The following TNPO1 variants were observed in gnomAD, a reference collection of about 807,000 sequenced individuals.
The protein encoded by TNPO1 is transportin 1, also known as transportin-1.
Under a neutral mutation model 119.5 loss-of-function variants are expected in TNPO1, and 8 were observed. That is an observed-to-expected ratio of 0.07 (90% CI 0.04 to 0.12). The LOEUF (loss-of-function observed/expected upper bound fraction) is 0.12. Among genes scored for constraint, TNPO1 ranks in the 10% least tolerant of loss-of-function variants. TNPO1 has a pLI of 1.00. For missense variants in TNPO1, 576 were observed against 1,089.8 expected (o/e 0.53, Z 6.64); for synonymous variants, 362 against 363.0 (o/e 1.00, Z 0.03).
chr5:72,862,973 A>C (rs937154554), intron 5 of TNPO1, among the ~76,000 whole-genome samples: 1 of 146,242 alleles, frequency 6.8e-6, no homozygotes, highest in Non-Finnish European at 1.5e-5. Context: ...ATCATACATT[A>C]ACTCTGACCT....
Position 72,872,651 on chromosome 5 carries a change from T to C in TNPO1, c.609T>C (p.Val203=), listed in dbSNP as rs757683608. The change falls in exon 7 of 25, where the codon GTT becomes GTC. Residue 203 remains valine (V), a synonymous_variant. Coordinates refer to ENST00000337273, the MANE Select transcript of TNPO1 (RefSeq NM_002270.4). ...HSSPKIRSHA[V]ACVNQFIISR... ...ACTTTGTTTCTAGGTCTCACGCTGT[T>C]GCATGTGTCAATCAGTTTATCATCA... is the stretch of plus-strand genomic sequence containing the variant. The C allele has an allele frequency of 2.5e-6, 4 of 1,609,770 alleles. No individual in the cohort carries two copies. In the African/African-American group the frequency reaches 5.4e-5, roughly 22 times the overall value.
chr5:72,834,924 A>G (rs266427), intron 1 of TNPO1, among the ~76,000 whole-genome samples: 125,217 of 152,134 alleles, frequency 0.82, 51,774 homozygotes, highest in Non-Finnish European at 0.86. Context: ...CTTTTTTACC[A>G]TACCTTTTGT....
At chr5:72,848,636 G>C (rs463250) in intron 2 of TNPO1, 138 bp downstream of exon 2, 270,377 of 323,860 alleles carry the variant, frequency 0.83, 113,343 homozygotes, top group Non-Finnish European at 0.86. Flanking sequence ...CCTGGGTCCG[G>C]GCGCGGGGGA....
chr5:72,896,598 G>A (rs892726414), intron 19 of TNPO1, 42 bp downstream of exon 19: 10 of 1,517,080 alleles, frequency 6.6e-6, no homozygotes, highest in East Asian at 4.7e-5. Context: ...GGCCTGGCGC[G>A]GTGGCTCACG....
chr5:72,877,293 A>C lies in TNPO1; in HGVS notation c.867A>C (p.Leu289=). 6.2e-7 allele frequency: 1 copy of C among 1,613,152 alleles called. No homozygotes were observed. The highest frequency in any genetic ancestry group is 2.2e-5 in the East Asian group (1 of 44,836). Residue 289 remains leucine (L), a synonymous_variant, in exon 9 of 25, where the codon CTA becomes CTC. Transcript: ENST00000337273. ...NVALEACEFW[L]TLAEQPICKD... ...CTTTAGAAGCCTGTGAATTTTGGCT[A>C]ACTTTAGCTGAACAGCCAATATGCA...
At chr5:72,896,753 C>T (rs1749458437) in intron 19 of TNPO1, among the ~76,000 whole-genome samples, 197 bp downstream of exon 19, 1 of 152,074 alleles carries the variant, frequency 6.6e-6, no homozygotes, top group Admixed American at 6.6e-5. Context: ...CCTATAATCC[C>T]AACTATTTGG....
At chr5:72,901,387 C>G (rs1749786939) in intron 22 of TNPO1, among the ~76,000 whole-genome samples, 1 of 151,964 alleles carries the variant, frequency 6.6e-6, no homozygotes, top group Admixed American at 6.6e-5. Flanking sequence ...GCCTCCCATC[C>G]CTGGATATCA....
At chr5:72,856,629 G>C (rs2112286372) in intron 4 of TNPO1, among the ~76,000 whole-genome samples, 1 of 152,274 alleles carries the variant, frequency 6.6e-6, no homozygotes, top group African/African-American at 2.4e-5. Flanking sequence ...AAACCTAAGT[G>C]TATATAGGAT....
rs1205665217 is a variant in TNPO1 at position 72,908,922 on chromosome 5, A to G, written c.*249A>G. 1 of 453,878 alleles carries G rather than the reference A, an allele frequency of 2.2e-6. No individual in the cohort carries two copies. 28.1% of individuals were successfully genotyped at this position (453,878 alleles called of 1,614,324 possible). On this transcript the variant is annotated 3_prime_UTR_variant, in exon 25 of 25. Coordinates refer to ENST00000337273, the MANE Select transcript of TNPO1 (RefSeq NM_002270.4). ...TGGGTGGAAATATGTCTCCAGTTACAACTCCGCAGTGGATGTGAAGAAGCA... is the reference window on the plus strand; with the variant it reads ...TGGGTGGAAATATGTCTCCAGTTACGACTCCGCAGTGGATGTGAAGAAGCA...
Position 72,896,474 on chromosome 5 carries a change from A to T in TNPO1, c.2160A>T (p.Ile720=), listed in dbSNP as rs1172265335. 1 of 1,612,114 alleles carries T rather than the reference A, an allele frequency of 6.2e-7. No homozygotes were observed. The highest frequency in any genetic ancestry group is 8.5e-7 in the Non-Finnish European group (1 of 1,179,604). The change falls in exon 19 of 25, where the codon ATA becomes ATT. Residue 720 remains isoleucine, a synonymous_variant. Coordinates refer to ENST00000337273, the MANE Select transcript of TNPO1 (RefSeq NM_002270.4). The part of the protein sequence containing the change: ...VKPCIADFMP[I]LGTNLNPEFI... ...TTTTTCTAGCTGATTTCATGCCAAT[A>T]TTGGGAACCAACCTAAATCCAGAAT...
chr5:72,889,764 CTT>C lies in TNPO1; in HGVS notation c.1530-8_1530-7del, dbSNP rs76051655. 3,239 of 1,282,234 alleles carry C rather than the reference CTT, an allele frequency of 2.5e-3. No homozygotes were observed. Among genetic ancestry groups the C allele is most frequent in the South Asian group, 6.6e-3 (449 of 68,004 alleles). The allele number at this position is 1,282,234 out of a possible 1,614,324, so 79.4% of individuals were successfully genotyped here. ...ATATATCTTACAGTCAATAAGTATT[CTT>C]TTTTTTTTTTTTTAAACAGTGCCTT... On this transcript the variant is annotated intron_variant, in intron 13 of 24. Coordinates refer to ENST00000337273, the MANE Select transcript of TNPO1 (RefSeq NM_002270.4).
In TNPO1 at chr5:72,885,389, ACT is replaced by A. The variant is rs1209679424; in HGVS notation, c.1151-1678_1151-1677del. ...ATGGCTCAAGATCATTACACAGAAAACTCTACAAAATAATATACATACATGGA... is the reference window on the plus strand; with the variant it reads ...ATGGCTCAAGATCATTACACAGAAAACTACAAAATAATATACATACATGGA... On this transcript the variant is annotated intron_variant, in intron 11 of 24. Coordinates refer to ENST00000337273, the MANE Select transcript of TNPO1 (RefSeq NM_002270.4). Among the ~76,000 whole-genome samples the A allele has an allele frequency of 1.2e-4, 19 of 152,090 alleles. 1 individual carries two copies. The highest frequency in any genetic ancestry group is 1.2e-3 in the Admixed American group (19 of 15,268).
intron 1 of TNPO1, chr5:72,848,160 C>A (rs1023296404): frequency 1.7e-6 from 2 of 1,207,954 alleles, no homozygotes; most frequent in African/African-American, 1.6e-5. Context: ...GCGGCCGCGG[C>A]GGCAGCAGCA....
At chr5:72,861,601 A>ATCATGT (rs1035231568) in intron 4 of TNPO1, among the ~76,000 whole-genome samples, 6 of 151,904 alleles carry the variant, frequency 3.9e-5, no homozygotes, top group African/African-American at 1.5e-4. Context: ...AGAGGGTTTC[A>ATCATGT]TCATGTTGCC....
At chr5:72,843,274 T>C (rs1030625063) in intron 1 of TNPO1, among the ~76,000 whole-genome samples, 1 of 152,010 alleles carries the variant, frequency 6.6e-6, no homozygotes, top group South Asian at 2.1e-4. Context: ...TTTTGCAGAG[T>C]TTTAATATAT....
intron 24 of TNPO1, among the ~76,000 whole-genome samples, chr5:72,906,147 C>T (rs1279329081): frequency 6.6e-6 from 1 of 151,888 alleles, no homozygotes; most frequent in Non-Finnish European, 1.5e-5. Context: ...TTTATAGTCT[C>T]TGCTGTAACA....
intron 20 of TNPO1, among the ~76,000 whole-genome samples, chr5:72,897,512 TGTA>T: frequency 6.6e-6 from 1 of 151,864 alleles, no homozygotes; most frequent in East Asian, 1.9e-4. Context: ...TCTGTCCAAA[TGTA>T]GTCAAAAAGA....
chr5:72,848,949 G>T (rs1171482244), intron 2 of TNPO1, among the ~76,000 whole-genome samples: 1 of 151,926 alleles, frequency 6.6e-6, no homozygotes, highest in Non-Finnish European at 1.5e-5. Context: ...CTCTGTGCGC[G>T]GCGGAGCTCG....
chr5:72,874,448 A>T (rs1004558849), intron 7 of TNPO1, among the ~76,000 whole-genome samples: 1 of 152,202 alleles, frequency 6.6e-6, no homozygotes, highest in South Asian at 2.1e-4. Context: ...GGCATTGGGT[A>T]TCCCCACCCC....
Sources: allele counts gnomAD v4.1 joint callset (sites outside exome capture counted in the v4.1 genomes callset), GRCh38; gene constraint gnomAD v4.1.1; transcripts MANE v1.5; gene names NCBI Gene and HGNC (gene_info 2026-07-23, HGNC 2026-07-21).